Variants in LAMA4 observed in about 807,000 individuals in gnomAD.
LAMA4 encodes the protein laminin subunit alpha 4, also known as laminin subunit alpha-4.
Under a neutral mutation model 207.1 loss-of-function variants are expected in LAMA4, and 127 were observed. The observed-to-expected ratio is 0.61, with a 90% CI of 0.53 to 0.71. The LOEUF (loss-of-function observed/expected upper bound fraction) is 0.71. Ranked by LOEUF, LAMA4 falls within the 30% of genes least tolerant of loss-of-function variation. LAMA4 has a pLI of 0.00. For missense variants in LAMA4, 2,093 were observed against 2,246.5 expected (o/e 0.93, Z 1.38); for synonymous variants, 761 against 816.0 (o/e 0.93, Z 1.15).
intron 2 of LAMA4, among the ~76,000 whole-genome samples, chr6:112,217,050 G>A (rs115565251): frequency 3.0e-4 from 46 of 152,282 alleles, no homozygotes; most frequent in African/African-American, 1.0e-3. Context: ...AGTCCTGTGT[G>A]GGTGCTGTTC....
chr6:112,225,041 G>A (rs1554361964), intron 2 of LAMA4, among the ~76,000 whole-genome samples: 1 of 151,604 alleles, frequency 6.6e-6, no homozygotes, highest in Non-Finnish European at 1.5e-5. Context: ...GTTCTCCAGG[G>A]TAACCTCCTT....
chr6:112,230,141 C>G (rs1283657068), intron 2 of LAMA4, among the ~76,000 whole-genome samples: 1 of 152,068 alleles, frequency 6.6e-6, no homozygotes, highest in Non-Finnish European at 1.5e-5. Flanking sequence ...AAGAAATGTC[C>G]ATGTATGTCT....
chr6:112,117,742 G>A lies in LAMA4; in HGVS notation c.4978C>T (p.Leu1660=). 1 of 1,612,966 alleles carries A rather than the reference G, an allele frequency of 6.2e-7. No homozygotes were observed. Among genetic ancestry groups the A allele is most frequent in the Admixed American group, 1.7e-5 (1 of 59,980 alleles). ...YFSTEGGYVV[L]DESFNIGLKF... is the part of the protein sequence containing the mutation. ...TTTTTAACATGACTAATGTTACCTA[G>A]AACCACGTATCCTCCTTCTGTTGAA... The change falls in exon 35 of 39, where the codon CTA becomes TTA. Residue 1660 remains leucine, a synonymous_variant. Transcript: ENST00000230538. This position sits in a 1 kb window ranked among gnomAD's most constrained non-coding sequence, Gnocchi z 4.5.
Position 112,190,940 on chromosome 6 carries a change from TTTCTTTC to T in LAMA4, c.718+689_718+695del, listed in dbSNP as rs1562714682. The stretch of plus-strand genomic sequence containing the variant: ...CTTTCTTTCTTTCTTTCTTTCTTTC[TTTCTTTC>T]CTTTCTTTCTTTCTTTCTTTCTTTC... On this transcript the variant is annotated intron_variant, in intron 6 of 38. Transcript: ENST00000230538. 5.2e-3 allele frequency among the ~76,000 whole-genome samples: 268 copies of T among 51,490 alleles called. 4 individuals carry two copies. The highest frequency in any genetic ancestry group is 7.1e-3 in the Non-Finnish European group (184 of 25,960). The allele number at this position is 51,490 out of a possible 152,430, so 33.8% of individuals were successfully genotyped here.
At chr6:112,200,544 A>C (rs2114998816) in intron 5 of LAMA4, among the ~76,000 whole-genome samples, 1 of 152,350 alleles carries the variant, frequency 6.6e-6, no homozygotes, top group East Asian at 1.9e-4. Flanking sequence ...ATATACCCAA[A>C]GGATTATAAA....
chr6:112,227,680 C>T (rs2115115282), intron 2 of LAMA4, among the ~76,000 whole-genome samples: 1 of 152,230 alleles, frequency 6.6e-6, no homozygotes, highest in Non-Finnish European at 1.5e-5. Flanking sequence ...AATAACATTC[C>T]TTACTTAATT....
chr6:112,226,403 C>T (rs187405537), intron 2 of LAMA4, among the ~76,000 whole-genome samples: 1 of 152,214 alleles, frequency 6.6e-6, no homozygotes, highest in African/African-American at 2.4e-5. Context: ...TTTGGCCCGC[C>T]TTGCCTTTGC....
Position 112,120,481 on chromosome 6 carries a change from T to A in LAMA4, c.4476-9A>T. ...GAATGGAAAACTGAGATCTGGTAAA[T>A]GAAAAGAAAGGGATTACCATATGTA... On this transcript the variant is annotated splice_polypyrimidine_tract_variant and intron_variant, in intron 32 of 38. Transcript: ENST00000230538. 1 of 1,606,660 alleles carries A rather than the reference T, an allele frequency of 6.2e-7. No homozygotes were observed. The highest frequency in any genetic ancestry group is 8.5e-7 in the Non-Finnish European group (1 of 1,173,524).
intron 31 of LAMA4, among the ~76,000 whole-genome samples, chr6:112,123,667 C>T (rs1347957658): frequency 2.6e-5 from 4 of 152,158 alleles, no homozygotes; most frequent in African/African-American, 9.7e-5. Flanking sequence ...ACGAGCTGTG[C>T]CAGTGTCTCT....
chr6:112,184,343 T>C (rs117706124), intron 9 of LAMA4, among the ~76,000 whole-genome samples: 4,689 of 151,134 alleles, frequency 0.031, 101 homozygotes, highest in Middle Eastern at 0.056. Flanking sequence ...AAAAAAACTG[T>C]GTTAAACATT....
chr6:112,159,094 A>G, intron 13 of LAMA4: 1 of 544,606 alleles, frequency 1.8e-6, no homozygotes, highest in Non-Finnish European at 3.3e-6. Flanking sequence ...GCTAGCATTC[A>G]CAACCCAGAA....
At chr6:112,121,966 A>T (rs1554326260) in intron 32 of LAMA4, 48 bp downstream of exon 32, 1 of 1,522,946 alleles carries the variant, frequency 6.6e-7, no homozygotes, top group Non-Finnish European at 9.1e-7. Context: ...ACAAAGATGG[A>T]GCCCAGCCAT....
chr6:112,192,564 C>T (rs1583851545), intron 5 of LAMA4, among the ~76,000 whole-genome samples: 1 of 152,200 alleles, frequency 6.6e-6, no homozygotes, highest in African/African-American at 2.4e-5. Flanking sequence ...TAGATATGCG[C>T]ACCTACAGAG....
chr6:112,178,340 C>T, intron 9 of LAMA4, 108 bp from the exon 10 acceptor site: 2 of 787,008 alleles, frequency 2.5e-6, no homozygotes, highest in Non-Finnish European at 4.4e-6. Context: ...GTAAATCTTC[C>T]TGGCATGTGA....
Position 112,175,370 on chromosome 6 carries a change from G to A in LAMA4, c.1300C>T (p.Gln434Ter). Residue 434 changes from glutamine to a stop codon, truncating the protein, a stop_gained, in exon 11 of 39, where the codon CAA becomes TAA. Transcript: ENST00000230538. LOFTEE classifies it high-confidence loss of function. ...AGCTCCCGTTGGGTGAAAAATGGTT[G>A]ACGGCTTCTAATCTCTTCAAGCATC... ...QKMLEEIRSR[Q>*]PFFTQRELVD... is the part of the protein sequence containing the mutation. 6.2e-7 allele frequency: 1 copy of A among 1,614,198 alleles called. No individual in the cohort carries two copies.
intron 2 of LAMA4, among the ~76,000 whole-genome samples, chr6:112,232,498 T>A (rs1785628628): frequency 6.6e-6 from 1 of 152,242 alleles, no homozygotes; most frequent in South Asian, 2.1e-4. Context: ...AATGTAAATA[T>A]GTATTTTCTT....
chr6:112,199,037 T>C (rs1244860526), intron 5 of LAMA4, among the ~76,000 whole-genome samples: 1 of 152,148 alleles, frequency 6.6e-6, no homozygotes, highest in Non-Finnish European at 1.5e-5. Flanking sequence ...TTTTCAACAC[T>C]CTACTTTCAC....
intron 3 of LAMA4, among the ~76,000 whole-genome samples, 191 bp downstream of exon 3, chr6:112,216,177 T>C (rs1387442356): frequency 1.3e-5 from 2 of 152,250 alleles, no homozygotes; most frequent in African/African-American, 2.4e-5. Context: ...CTCATGCATA[T>C]GCCTTGGTGG....
intron 26 of LAMA4, among the ~76,000 whole-genome samples, chr6:112,133,982 C>A (rs1779191360): frequency 6.6e-6 from 1 of 152,100 alleles, no homozygotes; most frequent in Non-Finnish European, 1.5e-5. Context: ...TTAATGAATC[C>A]ATTTTGGCAT....
Sources: allele counts gnomAD v4.1 joint callset (sites outside exome capture counted in the v4.1 genomes callset), GRCh38; gene constraint gnomAD v4.1.1; non-coding constraint Gnocchi (gnomAD v3.1); transcripts MANE v1.5; gene names NCBI Gene and HGNC (gene_info 2026-07-23, HGNC 2026-07-21).